Variants in WNT8B observed in about 807,000 individuals in gnomAD.
WNT8B encodes Wnt family member 8B, also known as protein Wnt-8b.
Under a neutral mutation model 36.6 loss-of-function variants are expected in WNT8B, and 24 were observed. The observed-to-expected ratio is 0.66, with a 90% confidence interval of 0.48 to 0.92. The LOEUF is 0.92. Among genes scored for constraint, WNT8B ranks in the 40% least tolerant of loss-of-function variants. The pLI is 0.00. For missense variants in WNT8B, 402 were observed against 470.8 expected (o/e 0.85, Z 1.35); for synonymous variants, 199 against 189.8 (o/e 1.05, Z -0.40).
At chr10:100,470,641 C>T (rs978378343) in intron 1 of WNT8B, among the ~76,000 whole-genome samples, 2 of 152,188 alleles carry the variant, frequency 1.3e-5, no homozygotes, top group Non-Finnish European at 2.9e-5. Flanking sequence ...CAGAACAAAA[C>T]AAAATCACAG....
chr10:100,479,031 T>TG (rs1394644325), intron 1 of WNT8B, 21 bp from the exon 2 acceptor site: 2 of 1,584,818 alleles, frequency 1.3e-6, no homozygotes, highest in Non-Finnish European at 1.7e-6. Context: ...ATTCTGTTTT[T>TG]GTTTTTTTTT....
intron 1 of WNT8B, among the ~76,000 whole-genome samples, chr10:100,477,133 A>G (rs1463573344): frequency 1.3e-5 from 2 of 152,204 alleles, no homozygotes; most frequent in Non-Finnish European, 1.5e-5. Flanking sequence ...TTATGTAAAT[A>G]GAATCATGCA....
rs376096326 is a variant in WNT8B at position 100,475,883 on chromosome 10, G to A, written c.69-3169G>A. Among the ~76,000 whole-genome samples, 5 of 152,252 alleles carry A rather than the reference G, an allele frequency of 3.3e-5. No homozygotes were observed. The East Asian group carries it at 7.7e-4, about 24-fold the overall frequency. ...CAAACCTATAATGGCTTTGGAAATT[G>A]TGAATTCATTTAAGTCATTCTGAAT... is the stretch of plus-strand genomic sequence containing the variant. On this transcript the variant is annotated intron_variant, in intron 1 of 5. Coordinates refer to ENST00000343737, the MANE Select transcript of WNT8B (RefSeq NM_003393.4).
Position 100,466,996 on chromosome 10 carries a change from T to C in WNT8B, c.68+3760T>C, listed in dbSNP as rs565395704. On this transcript the variant is annotated intron_variant, in intron 1 of 5. Transcript: ENST00000343737. Reference sequence around the variant, plus strand: ...AGTGGATTTTTTTTTTCTTACTCAGTAAAAGATCAGGCTAGGTTAACAGCT... The same window carrying C: ...AGTGGATTTTTTTTTTCTTACTCAGCAAAAGATCAGGCTAGGTTAACAGCT... Among the ~76,000 whole-genome samples the C allele has an allele frequency of 1.3e-3, 204 of 151,974 alleles. 3 individuals carry two copies. Among genetic ancestry groups the C allele is most frequent in the African/African-American group, 4.8e-3 (201 of 41,448 alleles).
chr10:100,474,587 CAG>C (rs1387619160), intron 1 of WNT8B, among the ~76,000 whole-genome samples: 2 of 151,848 alleles, frequency 1.3e-5, no homozygotes, highest in African/African-American at 4.8e-5. Flanking sequence ...TTTTTTGAGA[CAG>C]AGTCTCGCTC....
chr10:100,473,932 CA>C (rs79241401), intron 1 of WNT8B, among the ~76,000 whole-genome samples: 32,345 of 150,310 alleles, frequency 0.22, 3,541 homozygotes, highest in South Asian at 0.23. Context: ...TCTTAAAAAA[CA>C]AAAAAAAAGG....
rs530952741 is a variant in WNT8B, at chr10:100,471,661, G to A, written c.69-7391G>A. ...AACGGGCTGCAGAAAAGCACAGCAG[G>A]TAGAGTGCATGCTCTAGAGTAGGAC... is the stretch of plus-strand genomic sequence containing the variant. On this transcript the variant is annotated intron_variant, in intron 1 of 5. Coordinates refer to ENST00000343737, the MANE Select transcript of WNT8B (RefSeq NM_003393.4). 2.6e-5 allele frequency among the ~76,000 whole-genome samples: 4 copies of A among 152,340 alleles called. No individual in the cohort carries two copies. In the South Asian group the frequency reaches 8.3e-4, roughly 32 times the overall value.
At position 100,463,255 on chromosome 10, in the gene WNT8B, T is replaced by C. The variant is rs369017811; in HGVS notation, c.68+19T>C. The C allele has an allele frequency of 8.8e-5, 142 of 1,609,746 alleles. No individual in the cohort carries two copies. Among genetic ancestry groups the C allele is most frequent in the Non-Finnish European group, 1.2e-4 (139 of 1,176,420 alleles). On this transcript the variant is annotated intron_variant, in intron 1 of 5. Transcript: ENST00000343737. ...ACAGCTGGTAAGTAACCTGGACTCT[T>C]ACCTGGAGCTGGGAATAGGTAAGTG...
chr10:100,482,105 C>T lies in WNT8B; in HGVS notation c.510+51C>T. Reference sequence around the variant, plus strand: ...GGCAGCTGCTGGCTATATCCACTACCAGCTCCAGGTGCGGACAACTCTTCA... The same window carrying T: ...GGCAGCTGCTGGCTATATCCACTACTAGCTCCAGGTGCGGACAACTCTTCA... On this transcript the variant is annotated intron_variant, in intron 5 of 5. Transcript: ENST00000343737. The surrounding 1 kb of genome is among the most constrained non-coding windows in gnomAD (Gnocchi z 6.6). 1 of 1,609,974 alleles carries T rather than the reference C, an allele frequency of 6.2e-7. No homozygotes were observed. The highest frequency in any genetic ancestry group is 1.1e-5 in the South Asian group (1 of 90,950).
intron 1 of WNT8B, among the ~76,000 whole-genome samples, chr10:100,477,008 AAG>A (rs1388871225): frequency 1.3e-5 from 2 of 152,136 alleles, no homozygotes; most frequent in African/African-American, 4.8e-5. Context: ...CCATTCCCCC[AAG>A]ACTTTCTCAT....
Position 100,481,057 on chromosome 10 carries a change from A to T in WNT8B, c.301A>T (p.Thr101Ser). The T allele has an allele frequency of 6.2e-7, 1 of 1,614,098 alleles. No homozygotes were observed. Among genetic ancestry groups the T allele is most frequent in the African/African-American group, 1.3e-5 (1 of 75,026 alleles). The stretch of plus-strand genomic sequence containing the variant: ...TTCTGCTGGAGTCATGTACACCCTG[A>T]CTAGAAACTGCAGCCTTGGAGATTT... ...ISSAGVMYTL[T>S]RNCSLGDFDN... The change falls in exon 4 of 6, where the codon ACT becomes TCT. Residue 101 changes from threonine to serine, a missense_variant. By Grantham distance (58) the Thr-to-Ser change is moderately conservative. Around this residue, in one of 3 missense-constraint regions of WNT8B, gnomAD observed 131 missense variants for 152.6 expected, o/e 0.86. Transcript: ENST00000343737.
At chr10:100,469,349 A>G (rs1850948855) in intron 1 of WNT8B, among the ~76,000 whole-genome samples, 1 of 152,184 alleles carries the variant, frequency 6.6e-6, no homozygotes, top group African/African-American at 2.4e-5. Context: ...CTCCACTGAT[A>G]CCAGCTTTGT....
In WNT8B at chr10:100,479,032, G is replaced by GT. The variant is rs566133321; in HGVS notation, c.69-10dup. ...TGTCTCTGCATTATATTCTGTTTTT[G>GT]TTTTTTTTTTCCCTTATAGGTCGGT... On this transcript the variant is annotated intron_variant, in intron 1 of 5. Transcript: ENST00000343737. 0.016 allele frequency: 20,360 copies of GT among 1,257,728 alleles called. No homozygotes were observed. The highest frequency in any genetic ancestry group is 0.032 in the South Asian group (2,069 of 65,426). The allele number at this position is 1,257,728 out of a possible 1,614,324, so 77.9% of individuals were successfully genotyped here.
chr10:100,479,859 C>A lies in WNT8B; in HGVS notation c.103-15C>A. ...CCTAAGTTCAGTCTGAATTTTTACC[C>A]CTATGTCCCTACAGGCTTACCTGAT... On this transcript the variant is annotated splice_polypyrimidine_tract_variant and intron_variant, in intron 2 of 5. Coordinates refer to ENST00000343737, the MANE Select transcript of WNT8B (RefSeq NM_003393.4). 2 of 1,613,224 alleles carry A rather than the reference C, an allele frequency of 1.2e-6. No homozygotes were observed. The highest frequency in any genetic ancestry group is 1.7e-6 in the Non-Finnish European group (2 of 1,179,504).
At chr10:100,479,725 A>G in intron 2 of WNT8B, 149 bp from the exon 3 acceptor site, 1 of 1,053,508 alleles carries the variant, frequency 9.5e-7, no homozygotes. Context: ...TTCACAAGTT[A>G]TTTGTGATGT....
rs369399022 is a variant in WNT8B, at chr10:100,482,779, G to C, written c.1019G>C (p.Arg340Pro). 24 of 1,585,290 alleles carry C rather than the reference G, an allele frequency of 1.5e-5. No individual in the cohort carries two copies. Among genetic ancestry groups the C allele is most frequent in the Middle Eastern group, 2.2e-4 (1 of 4,630 alleles). ...KYFCSRAERP[R>P]GGAAHKPGRK... ...TTCTGTAGCCGCGCAGAGCGGCCGCGGGGGGGCGCTGCGCACAAACCCGGG... is the reference window on the plus strand; with the variant it reads ...TTCTGTAGCCGCGCAGAGCGGCCGCCGGGGGGCGCTGCGCACAAACCCGGG... The change falls in exon 6 of 6, where the codon CGG becomes CCG. Residue 340 changes from arginine (R) to proline (P), a missense_variant. Arg to Pro is a moderately radical substitution (Grantham distance 103). Around this residue, in one of 3 missense-constraint regions of WNT8B, gnomAD observed 256 missense variants for 278.6 expected, o/e 0.92. Transcript: ENST00000343737. This position sits in a 1 kb window ranked among gnomAD's most constrained non-coding sequence, Gnocchi z 6.6.
chr10:100,477,942 A>ATTTTTT (rs34357304), intron 1 of WNT8B, among the ~76,000 whole-genome samples: 1,700 of 126,630 alleles, frequency 0.013, 36 homozygotes, highest in African/African-American at 0.045. Context: ...ATGCCTAGCT[A>ATTTTTT]TTTTTTTTTT....
At chr10:100,467,945 G>C (rs11190570) in intron 1 of WNT8B, among the ~76,000 whole-genome samples, 32,414 of 152,104 alleles carry the variant, frequency 0.21, 3,547 homozygotes, top group South Asian at 0.23. Context: ...ACAGGAAGAA[G>C]AGGGATAGCA....
At chr10:100,478,138 T>G (rs17671992) in intron 1 of WNT8B, among the ~76,000 whole-genome samples, 1 of 152,142 alleles carries the variant, frequency 6.6e-6, no homozygotes, top group African/African-American at 2.4e-5. Context: ...GCATTACTTA[T>G]TTTTAGAGTT....
Sources: allele counts gnomAD v4.1 joint callset (sites outside exome capture counted in the v4.1 genomes callset), GRCh38; gene constraint gnomAD v4.1.1; regional missense constraint gnomAD v4.1.1; non-coding constraint Gnocchi (gnomAD v3.1); transcripts MANE v1.5; gene names NCBI Gene and HGNC (gene_info 2026-07-23, HGNC 2026-07-21).